COG5: variants seen among roughly 807,000 people sequenced by gnomAD.
The protein encoded by COG5 is component of oligomeric golgi complex 5, also known as conserved oligomeric Golgi complex subunit 5.
A neutral mutation model predicts 110.4 loss-of-function variants in COG5; 86 were observed. The observed-to-expected ratio is 0.78, with a 90% CI of 0.65 to 0.93. The LOEUF (loss-of-function observed/expected upper bound fraction) is 0.93, where lower values mean the gene tolerates loss of function less well. Among genes scored for constraint, COG5 ranks in the 40% least tolerant of loss-of-function variants. The pLI, the probability that COG5 is intolerant of heterozygous loss-of-function variation, is 0.00. For missense variants in COG5, 1,077 were observed against 987.0 expected, an observed-to-expected ratio of 1.09 and a Z score of -1.22; for synonymous variants, 360 against 334.6, an observed-to-expected ratio of 1.08 and a Z score of -0.83.
intron 6 of COG5, among the ~76,000 whole-genome samples, chr7:107,484,923 T>C (rs985247232): frequency 2.0e-5 from 3 of 151,856 alleles, no homozygotes; most frequent in African/African-American, 4.8e-5. Context: ...AAGAGGAGGG[T>C]AGTACCTCCA....
intron 8 of COG5, among the ~76,000 whole-genome samples, chr7:107,370,820 A>G (rs1048993141): frequency 1.3e-5 from 2 of 150,028 alleles, no homozygotes; most frequent in Non-Finnish European, 3.0e-5. Context: ...ATATATATAC[A>G]CACACAATAA....
At chr7:107,429,319 C>T (rs1793855759) in intron 6 of COG5, among the ~76,000 whole-genome samples, 1 of 152,040 alleles carries the variant, frequency 6.6e-6, no homozygotes, top group African/African-American at 2.4e-5. Context: ...TTTAGTCATT[C>T]TTGGGGGTGT....
chr7:107,460,890 T>C (rs887405370), intron 6 of COG5, among the ~76,000 whole-genome samples: 1 of 152,066 alleles, frequency 6.6e-6, no homozygotes, highest in African/African-American at 2.4e-5. Context: ...AAGATATATA[T>C]TAAAACACAG....
intron 7 of COG5, among the ~76,000 whole-genome samples, chr7:107,391,919 G>A (rs1273125398): frequency 1.3e-5 from 2 of 152,026 alleles, no homozygotes; most frequent in South Asian, 2.1e-4. Flanking sequence ...GTGAAACCCC[G>A]TCTCTACCAA....
At chr7:107,271,204 G>A (rs1236498686) in intron 14 of COG5, among the ~76,000 whole-genome samples, 1 of 152,040 alleles carries the variant, frequency 6.6e-6, no homozygotes, top group East Asian at 1.9e-4. Context: ...CAAGGATCAC[G>A]ACATTGCATC....
At chr7:107,204,892 G>T (rs1368448014) in intron 21 of COG5, among the ~76,000 whole-genome samples, 1 of 152,228 alleles carries the variant, frequency 6.6e-6, no homozygotes, top group African/African-American at 2.4e-5. Flanking sequence ...AATTGGGGCA[G>T]CGTTCTGCCC....
At chr7:107,227,665 G>A (rs1800448629) in intron 19 of COG5, among the ~76,000 whole-genome samples, 1 of 148,776 alleles carries the variant, frequency 6.7e-6, no homozygotes, top group South Asian at 2.2e-4. Context: ...AGGTCATCCT[G>A]CCTCAGCAAA....
At chr7:107,496,330 T>C (rs867408642) in intron 6 of COG5, among the ~76,000 whole-genome samples, 3 of 152,152 alleles carry the variant, frequency 2.0e-5, no homozygotes, top group Admixed American at 6.6e-5. Flanking sequence ...AACTAGGATC[T>C]ATCTCTGGAA....
chr7:107,439,684 G>GT (rs1794589520), intron 6 of COG5, among the ~76,000 whole-genome samples: 1 of 152,018 alleles, frequency 6.6e-6, no homozygotes, highest in African/African-American at 2.4e-5. Flanking sequence ...ATAATCTAAT[G>GT]TAATAGATCC....
intron 12 of COG5, among the ~76,000 whole-genome samples, chr7:107,283,947 C>A (rs556584968): frequency 2.1e-4 from 23 of 106,996 alleles, no homozygotes; most frequent in Non-Finnish European, 1.9e-4. Flanking sequence ...TTTTTTGAGA[C>A]GTAGTCTCAC....
intron 18 of COG5, among the ~76,000 whole-genome samples, chr7:107,232,737 A>G (rs948357392): frequency 3.3e-5 from 5 of 152,190 alleles, no homozygotes; most frequent in African/African-American, 1.2e-4. Context: ...AATTCCATTA[A>G]ACAATAAAGG....
intron 7 of COG5, among the ~76,000 whole-genome samples, chr7:107,407,515 TAATG>T (rs1791939364): frequency 1.3e-5 from 2 of 152,082 alleles, no homozygotes; most frequent in East Asian, 1.9e-4. Flanking sequence ...TACTAGGTCT[TAATG>T]AACGTCAATC....
intron 7 of COG5, among the ~76,000 whole-genome samples, chr7:107,377,439 T>C (rs1814733071): frequency 6.6e-6 from 1 of 152,216 alleles, no homozygotes; most frequent in African/African-American, 2.4e-5. Flanking sequence ...TTGATCGTGG[T>C]AATTTGTGCC....
chr7:107,424,792 T>C (rs1793534495), intron 6 of COG5, among the ~76,000 whole-genome samples: 3 of 152,170 alleles, frequency 2.0e-5, no homozygotes, highest in Admixed American at 2.0e-4. Flanking sequence ...CATGATACCC[T>C]TATATACATT....
chr7:107,529,701 G>A (rs1801042802), intron 5 of COG5, among the ~76,000 whole-genome samples: 1 of 152,064 alleles, frequency 6.6e-6, no homozygotes, highest in African/African-American at 2.4e-5. Context: ...TGCCCACGTG[G>A]GACTCTTCCA....
In COG5 at chr7:107,201,669, A is replaced by G. The variant is rs1798320562; in HGVS notation, c.*1847T>C. ...TTGCCTTATTTTTCTTCCAAACTTC[A>G]TATATGTCTATCAGGTAATAATAGG... On this transcript the variant is annotated 3_prime_UTR_variant, in exon 22 of 22. Transcript: ENST00000297135. 1 of 399,032 alleles carries G rather than the reference A, an allele frequency of 2.5e-6. No homozygotes were observed. Among genetic ancestry groups the G allele is most frequent in the Non-Finnish European group, 4.5e-6 (1 of 222,498 alleles). The allele number at this position is 399,032 out of a possible 1,614,324, so 24.7% of individuals were successfully genotyped here.
chr7:107,210,312 A>G, intron 21 of COG5: 2 of 1,425,052 alleles, frequency 1.4e-6, no homozygotes, highest in East Asian at 5.0e-5. Flanking sequence ...CAGGGATATG[A>G]AGGTTTGGAA....
In COG5 at chr7:107,352,337, T is replaced by C. The variant is rs145686618; in HGVS notation, c.1026+9696A>G. ...AGGGGGGAGGGATAGCATTAGGAGA[T>C]ATACCTAATGCTAATTGACAAGTTA... On this transcript the variant is annotated intron_variant, in intron 10 of 21. Transcript: ENST00000297135. Among the ~76,000 whole-genome samples, 1,026 of 145,492 alleles carry C rather than the reference T, an allele frequency of 7.1e-3. 19 individuals carry two copies. Among genetic ancestry groups the C allele is most frequent in the African/African-American group, 0.025 (979 of 39,698 alleles).
chr7:107,411,720 C>G (rs770107775), intron 7 of COG5, among the ~76,000 whole-genome samples: 3 of 151,962 alleles, frequency 2.0e-5, no homozygotes, highest in Non-Finnish European at 4.4e-5. Flanking sequence ...CAAATAAGTA[C>G]CTTCTTGATT....
Sources: gnomAD v4.1 joint callset for allele counts (sites outside exome capture counted in the v4.1 genomes callset) on GRCh38, gnomAD v4.1.1 for gene constraint, MANE v1.5 for transcripts, NCBI Gene and HGNC (gene_info 2026-07-23, HGNC 2026-07-21) for gene names.